The following RAD51B variants were observed in gnomAD, a reference collection of about 807,000 sequenced individuals.
The protein encoded by RAD51B is DNA repair protein RAD51 homolog 2.
Under a neutral mutation model 42.2 loss-of-function variants are expected in RAD51B, and 38 were observed. The ratio of observed to expected loss-of-function variants is 0.90; its 90% CI spans 0.70 to 1.18. RAD51B has a LOEUF of 1.18. RAD51B is among the 50% of genes most tolerant of loss of function. RAD51B has a pLI of 0.00. For synonymous variants in RAD51B, 154 were observed against 145.2 expected, an observed-to-expected ratio of 1.06 and a Z score of -0.43; for missense variants, 373 against 400.7, an observed-to-expected ratio of 0.93 and a Z score of 0.59.
downstream of RAD51B, among the ~76,000 whole-genome samples, chr14:68,481,613 T>C (rs945782452): frequency 6.6e-6 from 1 of 152,224 alleles, no homozygotes; most frequent in Non-Finnish European, 1.5e-5. Context: ...CTTCCAGTAA[T>C]CTTACAGGTA....
chr14:68,135,225 AG>A (rs2140697612), intron 7 of RAD51B, among the ~76,000 whole-genome samples: 1 of 152,302 alleles, frequency 6.6e-6, no homozygotes, highest in African/African-American at 2.4e-5. Context: ...TTTCTGAGGT[AG>A]TTTCATTTTG....
chr14:68,528,397 C>A (rs1021505646), intron 10 of RAD51B, among the ~76,000 whole-genome samples: 2 of 152,222 alleles, frequency 1.3e-5, no homozygotes, highest in Non-Finnish European at 2.9e-5. Context: ...TATTATTCAA[C>A]CAACTTATTG....
intron 7 of RAD51B, among the ~76,000 whole-genome samples, chr14:67,961,757 T>C (rs892817496): frequency 6.6e-6 from 1 of 152,166 alleles, no homozygotes; most frequent in African/African-American, 2.4e-5. Flanking sequence ...TTTCTAGAAA[T>C]ATGTATACAA....
chr14:68,066,958 A>C (rs2076660674), intron 7 of RAD51B, among the ~76,000 whole-genome samples: 1 of 152,122 alleles, frequency 6.6e-6, no homozygotes, highest in African/African-American at 2.4e-5. Context: ...ATGATGCTAA[A>C]AGGAAACAAA....
At chr14:68,396,109 G>A (rs1479748128) in intron 8 of RAD51B, among the ~76,000 whole-genome samples, 2 of 152,200 alleles carry the variant, frequency 1.3e-5, no homozygotes, top group African/African-American at 4.8e-5. Context: ...GCAGAGTTGG[G>A]CTGACAGATT....
At chr14:68,279,915 T>C (rs920223597) in intron 7 of RAD51B, among the ~76,000 whole-genome samples, 1 of 152,250 alleles carries the variant, frequency 6.6e-6, no homozygotes, top group African/African-American at 2.4e-5. Flanking sequence ...ATGGAATTTT[T>C]CCCACCTGTG....
At chr14:68,364,902 C>A (rs1391439354) in intron 8 of RAD51B, among the ~76,000 whole-genome samples, 1 of 152,174 alleles carries the variant, frequency 6.6e-6, no homozygotes, top group East Asian at 1.9e-4. Context: ...CCCGCTCAAG[C>A]TCCCTGGACC....
intron 10 of RAD51B, among the ~76,000 whole-genome samples, chr14:68,590,495 G>C (rs1890691143): frequency 6.6e-6 from 1 of 152,238 alleles, no homozygotes; most frequent in African/African-American, 2.4e-5. Flanking sequence ...GGTTCCCAGA[G>C]CAAAGGAAAC....
intron 7 of RAD51B, among the ~76,000 whole-genome samples, chr14:68,039,233 A>G (rs1267032394): frequency 6.6e-6 from 1 of 152,072 alleles, no homozygotes; most frequent in Non-Finnish European, 1.5e-5. Context: ...ATCGAGAACC[A>G]TCCTGGCCAA....
chr14:68,086,168 G>T (rs2076980843), intron 7 of RAD51B, among the ~76,000 whole-genome samples: 2 of 152,226 alleles, frequency 1.3e-5, no homozygotes, highest in African/African-American at 4.8e-5. Flanking sequence ...GAAGCCAGAA[G>T]GGGAATGGAG....
chr14:68,629,659 T>TG (rs1179903942), intron 10 of RAD51B, among the ~76,000 whole-genome samples: 2 of 152,240 alleles, frequency 1.3e-5, no homozygotes, highest in Non-Finnish European at 1.5e-5. Flanking sequence ...CGTTTTGTGA[T>TG]GCCTGTTTGA....
chr14:68,350,724 T>C (rs1285746026), intron 8 of RAD51B, among the ~76,000 whole-genome samples: 1 of 152,238 alleles, frequency 6.6e-6, no homozygotes, highest in African/African-American at 2.4e-5. Flanking sequence ...GAGATGGTGG[T>C]TGCCCCAGGA....
Position 68,170,253 on chromosome 14 carries a change from T to C in RAD51B, c.757-121631T>C, listed in dbSNP as rs558416561. On this transcript the variant is annotated intron_variant, in intron 7 of 10. Coordinates refer to ENST00000471583, the MANE Select transcript of RAD51B (RefSeq NM_133510.4). ...TCTCTCTAGAGTTTAGCAGCATCCT[T>C]TCCTTGAAAGCAAAGGCCTCATTTC... Among the ~76,000 whole-genome samples, 12 of 152,360 alleles carry C rather than the reference T, an allele frequency of 7.9e-5. No individual in the cohort carries two copies. The East Asian group carries it at 2.1e-3, about 27-fold the overall frequency.
At chr14:68,470,990 C>T (rs1191647200) in intron 10 of RAD51B, among the ~76,000 whole-genome samples, 2 of 152,184 alleles carry the variant, frequency 1.3e-5, no homozygotes. Flanking sequence ...CTGCATGATT[C>T]CCCAGGTTTA....
At chr14:68,620,152 T>C (rs1891915547) in intron 10 of RAD51B, among the ~76,000 whole-genome samples, 1 of 152,204 alleles carries the variant, frequency 6.6e-6, no homozygotes, top group South Asian at 2.1e-4. Context: ...AAACATGATA[T>C]TGCATCTTTC....
intron 10 of RAD51B, among the ~76,000 whole-genome samples, chr14:68,544,631 G>A (rs1364608496): frequency 6.6e-6 from 1 of 152,170 alleles, no homozygotes; most frequent in Non-Finnish European, 1.5e-5. Flanking sequence ...CAGGGGTGGG[G>A]TGCTTTCTGG....
chr14:67,920,330 A>G lies in RAD51B; in HGVS notation c.756+33126A>G, dbSNP rs1300339332. 4.6e-5 allele frequency among the ~76,000 whole-genome samples: 7 copies of G among 151,572 alleles called. No homozygotes were observed. The East Asian group carries it at 7.7e-4, about 17-fold the overall frequency. ...CTCTAACGTTATTTTGTTGTTGGAG[A>G]TTGATTAAAAAATACAAATTTTACT... On this transcript the variant is annotated intron_variant, in intron 7 of 10. Coordinates refer to ENST00000471583, the MANE Select transcript of RAD51B (RefSeq NM_133510.4).
chr14:68,086,686 G>A (rs943087227), intron 7 of RAD51B, among the ~76,000 whole-genome samples: 1 of 152,186 alleles, frequency 6.6e-6, no homozygotes. Flanking sequence ...CCAAAGCACA[G>A]GGAGAATTAA....
At chr14:68,146,204 C>G (rs2140749608) in intron 7 of RAD51B, among the ~76,000 whole-genome samples, 1 of 152,244 alleles carries the variant, frequency 6.6e-6, no homozygotes, top group African/African-American at 2.4e-5. Flanking sequence ...AATCCTAGCG[C>G]TTTGGGAGGC....
Sources: allele counts gnomAD v4.1 joint callset (sites outside exome capture counted in the v4.1 genomes callset), GRCh38; gene constraint gnomAD v4.1.1; transcripts MANE v1.5; gene names NCBI Gene and HGNC (gene_info 2026-07-23, HGNC 2026-07-21).